The following SMPD4 variants were observed in gnomAD, a reference collection of about 807,000 sequenced individuals.
SMPD4 encodes sphingomyelin phosphodiesterase 4.
In SMPD4, 58 loss-of-function variants were observed where a neutral mutation model predicts 97.8. The observed-to-expected ratio is 0.59, with a 90% CI of 0.48 to 0.74. SMPD4 has a LOEUF of 0.74. SMPD4 is among the 30% of genes least tolerant of loss of function. The pLI, the probability that SMPD4 is intolerant of heterozygous loss-of-function variation, is 0.00. For synonymous variants in SMPD4, 388 were observed against 450.0 expected (o/e 0.86, Z 1.74); for missense variants, 853 against 1,080.5 (o/e 0.79, Z 2.95).
intron 11 of SMPD4, among the ~76,000 whole-genome samples, chr2:130,160,475 T>A (rs1306746560): frequency 6.6e-6 from 1 of 152,212 alleles, no homozygotes. Context: ...AGGTCTGAAC[T>A]CTGCTTCACT....
intron 3 of SMPD4, among the ~76,000 whole-genome samples, chr2:130,174,030 A>G (rs141988369): frequency 1.1e-4 from 16 of 152,290 alleles, no homozygotes; most frequent in African/African-American, 2.9e-4. Context: ...AACAAAATAC[A>G]TATTTATTGA....
At chr2:130,154,711 A>G (rs987489611) in intron 15 of SMPD4, 48 of 597,734 alleles carry the variant, frequency 8.0e-5, no homozygotes, top group Middle Eastern at 4.4e-4. Context: ...CAGGAGGTAA[A>G]CAACAGGAGG....
At chr2:130,174,292 A>G (rs924929127) in intron 3 of SMPD4, among the ~76,000 whole-genome samples, 1 of 152,220 alleles carries the variant, frequency 6.6e-6, no homozygotes, top group Non-Finnish European at 1.5e-5. Context: ...AAGTGTTGAG[A>G]TTACAGGCAT....
intron 8 of SMPD4, among the ~76,000 whole-genome samples, chr2:130,172,041 C>G (rs920818618): frequency 6.6e-6 from 1 of 152,216 alleles, no homozygotes; most frequent in Non-Finnish European, 1.5e-5. Flanking sequence ...CCACCCTGCT[C>G]ACTGACTCAG....
chr2:130,167,125 CTT>C (rs1294844094), intron 9 of SMPD4, among the ~76,000 whole-genome samples: 9 of 144,888 alleles, frequency 6.2e-5, no homozygotes, highest in Admixed American at 2.8e-4. Context: ...TTTTCTTTTT[CTT>C]TTTTTTTTTT....
chr2:130,175,112 C>T, intron 2 of SMPD4, 112 bp from the exon 3 acceptor site: 1 of 740,906 alleles, frequency 1.3e-6, no homozygotes, highest in Non-Finnish European at 2.4e-6. Context: ...GAGTCAGACC[C>T]ATAACCTCTG....
chr2:130,158,518 T>C (rs1271426372), intron 11 of SMPD4, among the ~76,000 whole-genome samples: 1 of 152,100 alleles, frequency 6.6e-6, no homozygotes, highest in Admixed American at 6.5e-5. Context: ...TTTCACCATG[T>C]TGGCCTGACC....
rs1443311357 is a variant in SMPD4 at position 130,153,698 on chromosome 2, G to A, written c.1893+4C>T. On this transcript the variant is annotated splice_donor_region_variant and intron_variant, in intron 17 of 19. Coordinates refer to ENST00000680298, the MANE Select transcript of SMPD4 (RefSeq NM_017951.5). ...GGCGGTGGGGCAGGCCCCATAGCTC[G>A]TACCCGGAATATCTGGCGCAGGTAC... 1.7e-5 allele frequency: 28 copies of A among 1,613,244 alleles called. No individual in the cohort carries two copies. The highest frequency in any genetic ancestry group is 2.2e-5 in the East Asian group (1 of 44,870).
chr2:130,159,151 C>T (rs112420202), intron 11 of SMPD4, among the ~76,000 whole-genome samples: 1,914 of 152,220 alleles, frequency 0.013, 60 homozygotes, highest in African/African-American at 0.044. Context: ...CACACACCAC[C>T]ACACCAGGCT....
intron 8 of SMPD4, among the ~76,000 whole-genome samples, chr2:130,170,324 T>C (rs1688327380): frequency 6.6e-6 from 1 of 151,626 alleles, no homozygotes; most frequent in African/African-American, 2.4e-5. Context: ...CTGTCTCTAC[T>C]AAAGATACAA....
At chr2:130,178,189 G>A (rs1285848161) in intron 1 of SMPD4, among the ~76,000 whole-genome samples, 1 of 149,636 alleles carries the variant, frequency 6.7e-6, no homozygotes, top group Non-Finnish European at 1.5e-5. Context: ...ATAACTATGA[G>A]ATAATAAATG....
intron 9 of SMPD4, among the ~76,000 whole-genome samples, chr2:130,166,038 A>C (rs1687896048): frequency 6.6e-6 from 1 of 152,190 alleles, no homozygotes; most frequent in East Asian, 1.9e-4. Flanking sequence ...AAAAACAAAA[A>C]GGGCCGGGCA....
chr2:130,167,333 T>C (rs1412158643), intron 9 of SMPD4, 125 bp downstream of exon 9: 3 of 1,334,310 alleles, frequency 2.2e-6, no homozygotes, highest in East Asian at 4.9e-5. Flanking sequence ...GCTGGCCAGG[T>C]TGGTCCCAAA....
chr2:130,156,941 T>C, intron 12 of SMPD4: 2 of 981,764 alleles, frequency 2.0e-6, no homozygotes, highest in South Asian at 3.3e-5. Context: ...CAGCCCACTC[T>C]GCTGGCCCTG....
At chr2:130,166,525 G>C (rs1378777221) in intron 9 of SMPD4, among the ~76,000 whole-genome samples, 11 of 152,238 alleles carry the variant, frequency 7.2e-5, no homozygotes, top group Admixed American at 2.6e-4. Flanking sequence ...CTGTGAAATG[G>C]TATGGAGGCT....
At chr2:130,171,544 A>G (rs1688467391) in intron 8 of SMPD4, among the ~76,000 whole-genome samples, 2 of 152,346 alleles carry the variant, frequency 1.3e-5, no homozygotes, top group Admixed American at 6.5e-5. Flanking sequence ...AGTCCTCCAC[A>G]GGATCAGCAA....
Position 130,153,586 on chromosome 2 carries a change from C to T in SMPD4, c.1893+116G>A. ...GGGTGTGGGCCTGCCTCCCACAACA[C>T]TGGGTCCATATGTGTGGGGCCTGGG... On this transcript the variant is annotated intron_variant, in intron 17 of 19. Coordinates refer to ENST00000680298, the MANE Select transcript of SMPD4 (RefSeq NM_017951.5). 1.9e-6 allele frequency: 3 copies of T among 1,558,110 alleles called. No homozygotes were observed. The South Asian group carries it at 3.6e-5, about 19-fold the overall frequency.
intron 9 of SMPD4, 55 bp from the exon 10 acceptor site, chr2:130,164,500 C>T: frequency 6.9e-7 from 1 of 1,446,130 alleles, no homozygotes; most frequent in Non-Finnish European, 9.7e-7. Context: ...TCAGACCATC[C>T]AGTGGGGAAA....
chr2:130,152,753 G>A lies in SMPD4; in HGVS notation c.2286C>T (p.Gly762=), dbSNP rs777626228. The A allele has an allele frequency of 1.6e-5, 26 of 1,598,088 alleles. No individual in the cohort carries two copies. In the Admixed American group the frequency reaches 4.4e-4, roughly 27 times the overall value. ...GGCTGAGCCTGGGGCCGCGGGTGTGGCCGGCCACCTGCCTCCGCCCCACAG... is the reference window on the plus strand; with the variant it reads ...GGCTGAGCCTGGGGCCGCGGGTGTGACCGGCCACCTGCCTCCGCCCCACAG... ...LSPVGRRQVA[G]HTRGPRLSLR... The change falls in exon 20 of 20, where the codon GGC becomes GGT. Residue 762 remains glycine (G), a synonymous_variant. Coordinates refer to ENST00000680298, the MANE Select transcript of SMPD4 (RefSeq NM_017951.5).
Sources: gnomAD v4.1 joint callset for allele counts (sites outside exome capture counted in the v4.1 genomes callset) on GRCh38, gnomAD v4.1.1 for gene constraint, MANE v1.5 for transcripts, NCBI Gene and HGNC (gene_info 2026-07-23, HGNC 2026-07-21) for gene names.